Variants in CWH43 observed in about 807,000 individuals in gnomAD.
CWH43 encodes the protein PGAP2-interacting protein.
A neutral mutation model predicts 85.7 loss-of-function variants in CWH43; 91 were observed. The observed-to-expected ratio is 1.06, with a 90% CI of 0.90 to 1.26. The LOEUF is 1.26. CWH43 is among the 50% of genes most tolerant of loss of function. The probability of loss-of-function intolerance (pLI) is 0.00; values close to 1 mark genes in which losing one functional copy is unlikely to be tolerated. For missense variants in CWH43, 869 were observed against 839.2 expected, an observed-to-expected ratio of 1.04 and a Z score of -0.44; for synonymous variants, 323 against 293.6, an observed-to-expected ratio of 1.10 and a Z score of -1.02.
At chr4:49,035,544 C>T (rs924184467) in intron 12 of CWH43, among the ~76,000 whole-genome samples, 9 of 152,264 alleles carry the variant, frequency 5.9e-5, no homozygotes, top group African/African-American at 1.4e-4. Flanking sequence ...GGTTCCGTGG[C>T]GGTTAACCTT....
At chr4:48,998,646 C>T (rs1374126279) in intron 6 of CWH43, 98 bp downstream of exon 6, 1 of 870,914 alleles carries the variant, frequency 1.1e-6, no homozygotes, top group Non-Finnish European at 1.9e-6. Context: ...TACAACCATA[C>T]AAATATGTAC....
chr4:48,987,747 C>T (rs1782539349), intron 1 of CWH43, among the ~76,000 whole-genome samples: 1 of 152,122 alleles, frequency 6.6e-6, no homozygotes, highest in South Asian at 2.1e-4. Context: ...GGCAGAGGTA[C>T]AACTTACTTC....
chr4:49,050,717 A>G lies in CWH43; in HGVS notation c.1889A>G (p.His630Arg). The change falls in exon 15 of 16, where the codon CAT becomes CGT. Residue 630 changes from histidine (H) to arginine (R), a missense_variant. By Grantham distance (29) the His-to-Arg change is conservative (BLOSUM62 0). Around this residue, in one of 3 missense-constraint regions of CWH43, gnomAD observed 577 missense variants for 513.1 expected, o/e 1.12. Coordinates refer to ENST00000226432, the MANE Select transcript of CWH43 (RefSeq NM_025087.3). ...AGGTTGGGTTATGCAAGAATCTCCCATGCTGAACTGAGTGATTCAGAAATT... is the reference window on the plus strand; with the variant it reads ...AGGTTGGGTTATGCAAGAATCTCCCGTGCTGAACTGAGTGATTCAGAAATT... ...LIRLGYARIS[H>R]AELSDSEIQM... The G allele has an allele frequency of 3.1e-6, 5 of 1,613,506 alleles. No individual in the cohort carries two copies. The highest frequency in any genetic ancestry group is 4.2e-6 in the Non-Finnish European group (5 of 1,179,586).
rs374512822 is a variant in CWH43, at chr4:49,043,762, C to T, written c.1804-1024C>T. Among the ~76,000 whole-genome samples the T allele has an allele frequency of 2.0e-5, 3 of 151,938 alleles. No individual in the cohort carries two copies. The East Asian group carries it at 5.8e-4, about 29-fold the overall frequency. The stretch of plus-strand genomic sequence containing the variant: ...TCATTTATTTATCTATTTAATTATT[C>T]CCAATACTAAAGTTTTCTATTTTCC... On this transcript the variant is annotated intron_variant, in intron 13 of 15. Coordinates refer to ENST00000226432, the MANE Select transcript of CWH43 (RefSeq NM_025087.3).
intron 13 of CWH43, among the ~76,000 whole-genome samples, chr4:49,038,471 G>C (rs562931384): frequency 6.6e-6 from 1 of 152,194 alleles, no homozygotes. Flanking sequence ...TTTATAGGTC[G>C]CAAGTTGTGC....
chr4:48,997,746 A>G (rs1782857388), intron 5 of CWH43, among the ~76,000 whole-genome samples: 7 of 152,142 alleles, frequency 4.6e-5, no homozygotes, highest in Admixed American at 4.6e-4. Context: ...CAAAATGGGG[A>G]TAATATTAGC....
chr4:49,032,574 CT>C lies in CWH43; in HGVS notation c.1520del (p.Leu507CysfsTer7). 1.2e-6 allele frequency: 2 copies of C among 1,613,964 alleles called. No homozygotes were observed. ...STRYHTWGIM[A>X]LSRYPIVKSE... ...TTTTCATTCCAATACAGGATTATGG[CT>C]TTGTCAAGATACCCAATTGTGAAAT... On this transcript the variant is annotated frameshift_variant, in exon 12 of 16. Transcript: ENST00000226432. LOFTEE classifies it high-confidence loss of function.
chr4:49,059,494 T>A lies in CWH43; in HGVS notation c.2022-2318T>A, dbSNP rs182211205. On this transcript the variant is annotated intron_variant, in intron 15 of 15. Transcript: ENST00000226432. ...TGCTTTATTTGTTCCTTTGGTAGTATCATGTTTCCTTGATTATTTATGATC... is the reference window on the plus strand; with the variant it reads ...TGCTTTATTTGTTCCTTTGGTAGTAACATGTTTCCTTGATTATTTATGATC... Among the ~76,000 whole-genome samples, 3 of 152,352 alleles carry A rather than the reference T, an allele frequency of 2.0e-5. No homozygotes were observed. In the East Asian group the frequency reaches 5.8e-4, roughly 29 times the overall value.
At chr4:49,037,947 G>T (rs1192499838) in intron 12 of CWH43, 89 bp from the exon 13 acceptor site, 2 of 1,121,454 alleles carry the variant, frequency 1.8e-6, no homozygotes, top group Non-Finnish European at 2.6e-6. Flanking sequence ...TTCACTATAT[G>T]CAGATAGTCT....
At chr4:49,026,533 T>C (rs1368945544) in intron 9 of CWH43, among the ~76,000 whole-genome samples, 1 of 152,124 alleles carries the variant, frequency 6.6e-6, no homozygotes, top group African/African-American at 2.4e-5. Flanking sequence ...TTTTATCCTT[T>C]ACCCCCTCCC....
chr4:49,021,286 C>A (rs1378024038), intron 9 of CWH43, among the ~76,000 whole-genome samples: 1 of 152,136 alleles, frequency 6.6e-6, no homozygotes, highest in East Asian at 1.9e-4. Context: ...TGTCAATTAT[C>A]TTAGCACTAT....
chr4:49,010,805 C>T (rs1783333148), intron 8 of CWH43, among the ~76,000 whole-genome samples: 1 of 152,108 alleles, frequency 6.6e-6, no homozygotes, highest in Non-Finnish European at 1.5e-5. Flanking sequence ...TTTCTTAATC[C>T]TGAATTCTAA....
chr4:49,038,315 A>G (rs1181663640), intron 13 of CWH43, 135 bp downstream of exon 13: 1 of 662,070 alleles, frequency 1.5e-6, no homozygotes, highest in Admixed American at 3.0e-5. Context: ...TCACCACAAA[A>G]CATGTGAGCT....
At chr4:49,015,108 T>A (rs1783501298) in intron 8 of CWH43, among the ~76,000 whole-genome samples, 1 of 152,182 alleles carries the variant, frequency 6.6e-6, no homozygotes, top group East Asian at 1.9e-4. Context: ...TTCCAGAATG[T>A]CAATTTTTGT....
chr4:48,996,088 G>T (rs749283777), intron 5 of CWH43, among the ~76,000 whole-genome samples: 4 of 151,704 alleles, frequency 2.6e-5, no homozygotes, highest in Admixed American at 2.6e-4. Flanking sequence ...ACCCACTTGC[G>T]CTTCTCTGGA....
In CWH43 at chr4:48,995,488, C is replaced by T. The variant is rs1222806449; in HGVS notation, c.713+668C>T. ...GAGGAATTCTTAAAAGATCTGCCTC[C>T]GATATCTTTTCTCTCTTGTAGTGCT... On this transcript the variant is annotated intron_variant, in intron 5 of 15. Transcript: ENST00000226432. Among the ~76,000 whole-genome samples, 5 of 152,206 alleles carry T rather than the reference C, an allele frequency of 3.3e-5. No homozygotes were observed. The East Asian group carries it at 5.8e-4, about 18-fold the overall frequency.
chr4:49,030,716 G>T (rs1331275092), intron 10 of CWH43, 109 bp from the exon 11 acceptor site: 10 of 1,027,868 alleles, frequency 9.7e-6, no homozygotes, highest in Non-Finnish European at 1.3e-5. Flanking sequence ...TTTGTTTTTG[G>T]GTTTATCAGT....
Position 49,024,010 on chromosome 4 carries a change from T to C in CWH43, c.1267-4619T>C, listed in dbSNP as rs1783827862. Among the ~76,000 whole-genome samples the C allele has an allele frequency of 2.6e-5, 4 of 152,238 alleles. No homozygotes were observed. In the South Asian group the frequency reaches 8.3e-4, roughly 32 times the overall value. The stretch of plus-strand genomic sequence containing the variant: ...CTTAGGTCTAATAGTAATTGTTTTA[T>C]AAATTTGGGGGTTCCAGTGTTAGGT... On this transcript the variant is annotated intron_variant, in intron 9 of 15. Coordinates refer to ENST00000226432, the MANE Select transcript of CWH43 (RefSeq NM_025087.3).
At chr4:49,037,468 G>A (rs1310648044) in intron 12 of CWH43, among the ~76,000 whole-genome samples, 1 of 152,088 alleles carries the variant, frequency 6.6e-6, no homozygotes, top group African/African-American at 2.4e-5. Flanking sequence ...TACTCAGGAG[G>A]CTGAGGCAGG....
Sources: allele counts gnomAD v4.1 joint callset (sites outside exome capture counted in the v4.1 genomes callset), GRCh38; gene constraint gnomAD v4.1.1; regional missense constraint gnomAD v4.1.1; transcripts MANE v1.5; gene names NCBI Gene and HGNC (gene_info 2026-07-23, HGNC 2026-07-21).